ZNF592: variants seen among roughly 807,000 people sequenced by gnomAD.
ZNF592 encodes spinocerebellar ataxia, autosomal recessive 5.
ZNF592 carries 11 observed loss-of-function variants against 80.3 expected under a neutral mutation model. The observed-to-expected ratio is 0.14, with a 90% CI of 0.09 to 0.23. The LOEUF (loss-of-function observed/expected upper bound fraction) is 0.23. Ranked by LOEUF, ZNF592 falls within the 10% of genes least tolerant of loss-of-function variation. The pLI is 1.00. For missense variants in ZNF592, 1,420 were observed against 1,633.9 expected (o/e 0.87, Z 2.26); for synonymous variants, 646 against 640.3 (o/e 1.01, Z -0.13).
intron 1 of ZNF592, among the ~76,000 whole-genome samples, chr15:84,759,394 G>C (rs970556557): frequency 6.6e-6 from 1 of 152,092 alleles, no homozygotes; most frequent in African/African-American, 2.4e-5. Context: ...GGAGGAGAGA[G>C]GTGGTGGCCA....
chr15:84,754,963 G>GTTTTTT (rs36104262), intron 1 of ZNF592, among the ~76,000 whole-genome samples: 8 of 110,674 alleles, frequency 7.2e-5, no homozygotes, highest in Non-Finnish European at 7.3e-5. Context: ...CCCCTGAGTT[G>GTTTTTT]TTTTTTTTTT....
intron 4 of ZNF592, among the ~76,000 whole-genome samples, chr15:84,787,999 GT>G (rs1048090675): frequency 1.3e-5 from 2 of 152,090 alleles, no homozygotes; most frequent in African/African-American, 4.8e-5. Context: ...TGCTTCCTAA[GT>G]TTTCCAGAAC....
rs1301604439 is a variant in ZNF592, at chr15:84,754,970, T to G, written c.-259+6306T>G. Among the ~76,000 whole-genome samples, 11 of 149,138 alleles carry G rather than the reference T, an allele frequency of 7.4e-5. No individual in the cohort carries two copies. In the East Asian group the frequency reaches 1.9e-3, roughly 26 times the overall value. ...ATTGCAATCCCCTGAGTTGTTTTTT[T>G]TTTTTTTTTTTTCATGGCAGAGTGT... On this transcript the variant is annotated intron_variant, in intron 1 of 10. Transcript: ENST00000560079.
chr15:84,766,069 A>G (rs889969463), intron 2 of ZNF592, among the ~76,000 whole-genome samples: 7 of 149,152 alleles, frequency 4.7e-5, no homozygotes, highest in Non-Finnish European at 7.4e-5. Flanking sequence ...GCTGGAGTGC[A>G]GTGGTGTGAT....
chr15:84,784,645 C>T lies in ZNF592; in HGVS notation c.1970C>T (p.Ser657Phe), dbSNP rs765829578. The T allele has an allele frequency of 6.2e-7, 1 of 1,614,208 alleles. No individual in the cohort carries two copies. Among genetic ancestry groups the T allele is most frequent in the South Asian group, 1.1e-5 (1 of 91,084 alleles). The change falls in exon 4 of 11, where the codon TCT becomes TTT. Residue 657 changes from serine (S) to phenylalanine (F), a missense_variant. Physicochemically the swap from Ser to Phe is radical, Grantham distance 155. Transcript: ENST00000560079. This position sits in a 1 kb window ranked among gnomAD's most constrained non-coding sequence, Gnocchi z 5.8. ...TCCCAGCTGCTGGTGAAGCCTATCT[C>T]TGCGGACCAAATGTTCGTGTCGGCC... ...QCSQLLVKPI[S>F]ADQMFVSAPV...
chr15:84,763,528 T>A (rs1450845201), intron 1 of ZNF592, among the ~76,000 whole-genome samples: 1 of 152,126 alleles, frequency 6.6e-6, no homozygotes, highest in Non-Finnish European at 1.5e-5. Context: ...TTGTCCTCAT[T>A]TGGACAGCAC....
In ZNF592 at chr15:84,764,832, G is replaced by T; in HGVS notation, c.-150+17G>T. On this transcript the variant is annotated intron_variant, in intron 2 of 10. Transcript: ENST00000560079. The stretch of plus-strand genomic sequence containing the variant: ...CTCTCTAAGGTATGATGTCTAGGCT[G>T]ACCTGAACTGGCCTTGAAAAGCCAA... 1 of 398,672 alleles carries T rather than the reference G, an allele frequency of 2.5e-6. No individual in the cohort carries two copies. The highest frequency in any genetic ancestry group is 1.3e-4 in the South Asian group (1 of 7,806). The allele number at this position is 398,672 out of a possible 1,614,324, so 24.7% of individuals were successfully genotyped here.
chr15:84,765,355 C>G (rs147324468), intron 2 of ZNF592, among the ~76,000 whole-genome samples: 1 of 152,038 alleles, frequency 6.6e-6, no homozygotes, highest in African/African-American at 2.4e-5. Context: ...TGTGTCCTCC[C>G]GCTCTTAATT....
intron 10 of ZNF592, 39 bp downstream of exon 10, chr15:84,800,016 A>C: frequency 6.2e-7 from 1 of 1,613,902 alleles, no homozygotes; most frequent in Non-Finnish European, 8.5e-7. Context: ...CTGGCTGCTC[A>C]GTGAGGCTTG....
Position 84,799,017 on chromosome 15 carries a change from C to A in ZNF592, c.3025-81C>A. Reference sequence around the variant, plus strand: ...GTCTTCGGGAGTATCCTCCTTTCTGCCCATGGCATCTGAGAAGAAAAATGC... The same window carrying A: ...GTCTTCGGGAGTATCCTCCTTTCTGACCATGGCATCTGAGAAGAAAAATGC... On this transcript the variant is annotated intron_variant, in intron 8 of 10. Transcript: ENST00000560079. This position sits in a 1 kb window ranked among gnomAD's most constrained non-coding sequence, Gnocchi z 4.2. The A allele has an allele frequency of 6.3e-7, 1 of 1,592,620 alleles. No homozygotes were observed. Among genetic ancestry groups the A allele is most frequent in the Non-Finnish European group, 8.6e-7 (1 of 1,160,814 alleles).
At chr15:84,781,951 A>G in intron 3 of ZNF592, among the ~76,000 whole-genome samples, 1 of 152,214 alleles carries the variant, frequency 6.6e-6, no homozygotes, top group South Asian at 2.1e-4. Context: ...GGCTTCCCCC[A>G]AACTGTCACT....
At chr15:84,769,992 G>A (rs1054671883) in intron 2 of ZNF592, among the ~76,000 whole-genome samples, 1 of 152,226 alleles carries the variant, frequency 6.6e-6, no homozygotes, top group African/African-American at 2.4e-5. Flanking sequence ...GGAATGACTA[G>A]TAGAGGCAAG....
intron 1 of ZNF592, among the ~76,000 whole-genome samples, chr15:84,750,300 C>T (rs1015087304): frequency 1.6e-4 from 25 of 152,162 alleles, no homozygotes; most frequent in Admixed American, 1.6e-3. Flanking sequence ...GAGACTCCAT[C>T]TCAAAATAAA....
intron 2 of ZNF592, among the ~76,000 whole-genome samples, chr15:84,772,097 A>G (rs1270365161): frequency 6.6e-6 from 1 of 152,180 alleles, no homozygotes; most frequent in Non-Finnish European, 1.5e-5. Context: ...ATGTGGTCAC[A>G]ATTCCTTATT....
At position 84,804,992 on chromosome 15, in the gene ZNF592, T is replaced by G. The variant is rs1963201248; in HGVS notation, c.*2599T>G. On this transcript the variant is annotated 3_prime_UTR_variant, in exon 11 of 11. Coordinates refer to ENST00000560079, the MANE Select transcript of ZNF592 (RefSeq NM_014630.3). ...GCTGAGTCAAGCCTGTCAACCACTG[T>G]GCTCGTTAGTGACCAAGGCTGCTTT... 6.6e-6 allele frequency: 1 copy of G among 152,176 alleles called. No homozygotes were observed. The highest frequency in any genetic ancestry group is 2.4e-5 in the African/African-American group (1 of 41,434). 9.4% of individuals were successfully genotyped at this position (152,176 alleles called of 1,614,324 possible). A position where few individuals can be genotyped will look rare whatever the true frequency, so the allele number is the denominator to read the frequency against.
At chr15:84,801,758 C>T (rs559546877) in intron 10 of ZNF592, 105 bp from the exon 11 acceptor site, 1 of 1,565,830 alleles carries the variant, frequency 6.4e-7, no homozygotes, top group South Asian at 1.1e-5. Flanking sequence ...TGGGGTGACC[C>T]TGGCCTGGGT....
rs542471129 is a variant in ZNF592 at position 84,768,694 on chromosome 15, A to C, written c.-150+3879A>C. ...ATCGGCCAATAGGCACCCCCCACTG[A>C]TAAAATATTTAATTTAATCAGCCAT... On this transcript the variant is annotated intron_variant, in intron 2 of 10. Transcript: ENST00000560079. 6.6e-5 allele frequency among the ~76,000 whole-genome samples: 10 copies of C among 152,250 alleles called. 1 individual carries two copies. The South Asian group carries it at 1.4e-3, about 22-fold the overall frequency.
In ZNF592 at chr15:84,783,106, T is replaced by C. The variant is rs778723495; in HGVS notation, c.431T>C (p.Ile144Thr). The C allele has an allele frequency of 6.2e-7, 1 of 1,613,954 alleles. No individual in the cohort carries two copies. The highest frequency in any genetic ancestry group is 8.5e-7 in the Non-Finnish European group (1 of 1,180,010). The change falls in exon 4 of 11, where the codon ATC becomes ACC. Residue 144 changes from isoleucine to threonine, a missense_variant. Transcript: ENST00000560079. This position sits in a 1 kb window ranked among gnomAD's most constrained non-coding sequence, Gnocchi z 5.0. ...PLPTFNQFSP[I>T]SSPEPEDPIK... ...CCCACCTTCAACCAGTTCAGTCCAA[T>C]CTCCAGCCCAGAACCTGAGGATCCC...
chr15:84,761,470 G>A (rs755008756), intron 1 of ZNF592, among the ~76,000 whole-genome samples: 3 of 152,186 alleles, frequency 2.0e-5, no homozygotes, highest in African/African-American at 4.8e-5. Flanking sequence ...ACTGCTGTGT[G>A]GCTGCCTTGA....
Sources: allele counts gnomAD v4.1 joint callset (sites outside exome capture counted in the v4.1 genomes callset), GRCh38; gene constraint gnomAD v4.1.1; non-coding constraint Gnocchi (gnomAD v3.1); transcripts MANE v1.5; gene names NCBI Gene and HGNC (gene_info 2026-07-23, HGNC 2026-07-21).